Variants in AFG3L2 observed in about 807,000 individuals in gnomAD.
The protein encoded by AFG3L2 is mitochondrial inner membrane m-AAA protease component AFG3L2.
Under a neutral mutation model 94.5 loss-of-function variants are expected in AFG3L2, and 54 were observed. That is an observed-to-expected ratio of 0.57 (90% CI 0.46 to 0.72). The LOEUF (loss-of-function observed/expected upper bound fraction) is 0.72, where lower values mean the gene tolerates loss of function less well. Ranked by LOEUF, AFG3L2 falls within the 30% of genes least tolerant of loss-of-function variation. The pLI, the probability that AFG3L2 is intolerant of heterozygous loss-of-function variation, is 0.00. For synonymous variants in AFG3L2, 377 were observed against 365.5 expected (o/e 1.03, Z -0.36); for missense variants, 754 against 994.9 (o/e 0.76, Z 3.26).
intron 16 of AFG3L2, among the ~76,000 whole-genome samples, chr18:12,330,896 A>G (rs896709645): frequency 6.6e-6 from 1 of 152,204 alleles, no homozygotes; most frequent in Non-Finnish European, 1.5e-5. Context: ...AACTAACTTC[A>G]AATTAAGCTT....
chr18:12,335,336 C>T (rs1336855681), intron 16 of AFG3L2, among the ~76,000 whole-genome samples: 4 of 152,184 alleles, frequency 2.6e-5, no homozygotes, highest in Non-Finnish European at 1.5e-5. Flanking sequence ...GAGATGCATG[C>T]GTAACTGACA....
chr18:12,371,055 G>A (rs1187457095), intron 2 of AFG3L2, 129 bp from the exon 3 acceptor site: 8 of 560,004 alleles, frequency 1.4e-5, no homozygotes, highest in Admixed American at 2.9e-5. Context: ...GCTCATGCCT[G>A]TAATCCCAGC....
rs149605021 is a variant in AFG3L2 at position 12,358,903 on chromosome 18, C to T, written c.793G>A (p.Ala265Thr). Residue 265 changes from alanine (A) to threonine (T), a missense_variant, in exon 8 of 17, where the codon GCC becomes ACC. Coordinates refer to ENST00000269143, the MANE Select transcript of AFG3L2 (RefSeq NM_006796.3). ...CTTCTGATGGTGTAGAGCAAGAAGG[C>T]GATGATGAGCACCGTAGGCAGCATG... ...LSMLPTVLII[A>T]FLLYTIRRGP... 239 of 1,614,094 alleles carry T rather than the reference C, an allele frequency of 1.5e-4. 1 individual carries two copies. The African/African-American group carries it at 2.0e-3, about 14-fold the overall frequency.
intron 5 of AFG3L2, among the ~76,000 whole-genome samples, chr18:12,366,280 T>C (rs1278828693): frequency 6.6e-6 from 1 of 152,248 alleles, no homozygotes. Context: ...TCTTATTAGA[T>C]TTGTCTTAGC....
At chr18:12,375,755 C>G (rs1303545936) in intron 1 of AFG3L2, among the ~76,000 whole-genome samples, 1 of 152,154 alleles carries the variant, frequency 6.6e-6, no homozygotes, top group Non-Finnish European at 1.5e-5. Flanking sequence ...CCGTGTTAGC[C>G]AGGATGATCT....
intron 1 of AFG3L2, 72 bp downstream of exon 1, chr18:12,376,897 A>G: frequency 8.4e-7 from 1 of 1,191,830 alleles, no homozygotes; most frequent in Non-Finnish European, 1.1e-6. Context: ...AGTGACCTTG[A>G]CGTCCGCTCT....
chr18:12,331,465 A>G (rs1907522025), intron 16 of AFG3L2, among the ~76,000 whole-genome samples: 1 of 152,202 alleles, frequency 6.6e-6, no homozygotes, highest in African/African-American at 2.4e-5. Context: ...AAATAAACTT[A>G]TCTGTTAAAT....
At chr18:12,350,789 A>C (rs1908290424) in intron 12 of AFG3L2, among the ~76,000 whole-genome samples, 2 of 152,136 alleles carry the variant, frequency 1.3e-5, no homozygotes, top group South Asian at 4.1e-4. Flanking sequence ...GTCTCCACAA[A>C]ATCAAAAAAT....
At chr18:12,344,991 G>C (rs1908086341) in intron 13 of AFG3L2, among the ~76,000 whole-genome samples, 2 of 152,206 alleles carry the variant, frequency 1.3e-5, no homozygotes, top group Admixed American at 1.3e-4. Flanking sequence ...ATCAAATACT[G>C]GGCACGCGAA....
rs749822976 is a variant in AFG3L2, at chr18:12,353,176, G to A, written c.1165-18C>T. The stretch of plus-strand genomic sequence containing the variant: ...TCTCGGACCTTGGCAAAAACAGAAA[G>A]AGAGTCACCTGACCAGAGAATATTA... On this transcript the variant is annotated intron_variant, in intron 9 of 16. Coordinates refer to ENST00000269143, the MANE Select transcript of AFG3L2 (RefSeq NM_006796.3). 1.2e-6 allele frequency: 2 copies of A among 1,613,618 alleles called. No individual in the cohort carries two copies. The highest frequency in any genetic ancestry group is 2.2e-5 in the East Asian group (1 of 44,854).
rs375903425 is a variant in AFG3L2 at position 12,375,747 on chromosome 18, G to A, written c.114+1222C>T. ...TTTTTAGTAGAGATGGGGTTTCACC[G>A]TGTTAGCCAGGATGATCTCGATTTT... is the stretch of plus-strand genomic sequence containing the variant. On this transcript the variant is annotated intron_variant, in intron 1 of 16. Transcript: ENST00000269143. 1.5e-3 allele frequency among the ~76,000 whole-genome samples: 227 copies of A among 152,250 alleles called. 1 individual carries two copies. Among genetic ancestry groups the A allele is most frequent in the African/African-American group, 5.2e-3 (215 of 41,556 alleles).
intron 12 of AFG3L2, 73 bp downstream of exon 12, chr18:12,351,012 G>C: frequency 6.3e-7 from 1 of 1,588,616 alleles, no homozygotes; most frequent in South Asian, 1.1e-5. Flanking sequence ...AGGTAAGAAA[G>C]TAAACCGGTA....
At chr18:12,349,406 A>T (rs1908242818) in intron 12 of AFG3L2, among the ~76,000 whole-genome samples, 2 of 152,218 alleles carry the variant, frequency 1.3e-5, no homozygotes, top group African/African-American at 4.8e-5. Flanking sequence ...TCCTAGGTAT[A>T]TACCAAGAGA....
Position 12,344,467 on chromosome 18 carries a change from G to T in AFG3L2, c.1664-220C>A, listed in dbSNP as rs1037210522. On this transcript the variant is annotated intron_variant, in intron 13 of 16. Coordinates refer to ENST00000269143, the MANE Select transcript of AFG3L2 (RefSeq NM_006796.3). ...AGGTGGTCCAATCACTTGAGGTGAG[G>T]AGTTCGAGACCAGCCTGGCCAACAT... 1.2e-5 allele frequency: 6 copies of T among 520,942 alleles called. No homozygotes were observed. In the African/African-American group the frequency reaches 1.2e-4, roughly 10 times the overall value. The allele number at this position is 520,942 out of a possible 1,614,324, so 32.3% of individuals were successfully genotyped here.
chr18:12,351,080 C>T lies in AFG3L2; in HGVS notation c.1552+5G>A. 1 of 1,612,566 alleles carries T rather than the reference C, an allele frequency of 6.2e-7. No homozygotes were observed. Among genetic ancestry groups the T allele is most frequent in the Non-Finnish European group, 8.5e-7 (1 of 1,180,006 alleles). ...TAAATAGGGTCCTCGTTATTTTCCA[C>T]TCACCTGAAAACCCTGGAGTTAAAG... On this transcript the variant is annotated splice_donor_5th_base_variant and intron_variant, in intron 12 of 16. Transcript: ENST00000269143.
At chr18:12,343,015 A>G (rs1474592166) in intron 14 of AFG3L2, 1 of 152,242 alleles carries the variant, frequency 6.6e-6, no homozygotes, top group Non-Finnish European at 1.5e-5. Flanking sequence ...ACAAAAAAAA[A>G]AAATCTGCTA....
rs564916237 is a variant in AFG3L2 at position 12,333,855 on chromosome 18, C to T, written c.2175+3486G>A. ...CCACACAGGCTCAGGGAGAGGGGAA[C>T]GACCAGGGCTCTGCAGGCAGGACAC... On this transcript the variant is annotated intron_variant, in intron 16 of 16. Coordinates refer to ENST00000269143, the MANE Select transcript of AFG3L2 (RefSeq NM_006796.3). Among the ~76,000 whole-genome samples, 7 of 152,296 alleles carry T rather than the reference C, an allele frequency of 4.6e-5. No individual in the cohort carries two copies. In the East Asian group the frequency reaches 9.6e-4, roughly 21 times the overall value.
chr18:12,346,370 C>T (rs1396740224), intron 13 of AFG3L2, among the ~76,000 whole-genome samples: 1 of 152,224 alleles, frequency 6.6e-6, no homozygotes, highest in African/African-American at 2.4e-5. Flanking sequence ...CCAAGTCACA[C>T]ACGCATACCC....
intron 3 of AFG3L2, 81 bp from the exon 4 acceptor site, chr18:12,367,463 T>TA: frequency 3.8e-6 from 5 of 1,311,588 alleles, no homozygotes; most frequent in Non-Finnish European, 5.5e-6. Context: ...TACGGTTTAA[T>TA]AAAAGACTCA....
Sources: allele counts gnomAD v4.1 joint callset (sites outside exome capture counted in the v4.1 genomes callset), GRCh38; gene constraint gnomAD v4.1.1; transcripts MANE v1.5; gene names NCBI Gene and HGNC (gene_info 2026-07-23, HGNC 2026-07-21).